The following PADI6 variants were observed in gnomAD, a reference collection of about 807,000 sequenced individuals.
The protein encoded by PADI6 is inactive protein-arginine deiminase type-6.
In PADI6, 66 loss-of-function variants were observed where a neutral mutation model predicts 78.2. The observed-to-expected ratio is 0.84, with a 90% CI of 0.69 to 1.04. The LOEUF (loss-of-function observed/expected upper bound fraction) is 1.04, where lower values mean the gene tolerates loss of function less well. Ranked by LOEUF, PADI6 falls within the 50% of genes least tolerant of loss-of-function variation. PADI6 has a pLI of 0.00. For missense variants in PADI6, 854 were observed against 866.1 expected (o/e 0.99, Z 0.18); for synonymous variants, 397 against 346.9 (o/e 1.14, Z -1.60).
chr1:17,375,511 T>A lies in PADI6; in HGVS notation c.367+12T>A, dbSNP rs1288764925. The A allele has an allele frequency of 6.3e-7, 1 of 1,595,764 alleles. No homozygotes were observed. ...CCTCACTGGCATTGGTGAGTGTTGC[T>A]CCAACTGGGAGCCTGGGGCCCAACT... On this transcript the variant is annotated intron_variant, in intron 3 of 15. Transcript: ENST00000619609.
chr1:17,389,878 G>A (rs1346605841), intron 8 of PADI6, among the ~76,000 whole-genome samples: 2 of 152,194 alleles, frequency 1.3e-5, no homozygotes, highest in Admixed American at 6.6e-5. Flanking sequence ...CACACCGGCC[G>A]CCTCCAGATT....
intron 2 of PADI6, among the ~76,000 whole-genome samples, chr1:17,373,591 A>G (rs919914061): frequency 4.0e-5 from 6 of 151,796 alleles, no homozygotes; most frequent in Non-Finnish European, 8.8e-5. Context: ...TCCCGGGTTC[A>G]AGCAATTCTC....
At chr1:17,379,651 G>T (rs1044586138) in intron 3 of PADI6, among the ~76,000 whole-genome samples, 4 of 152,210 alleles carry the variant, frequency 2.6e-5, no homozygotes, top group African/African-American at 9.6e-5. Flanking sequence ...AGGCTGAAAG[G>T]CATGAGATGG....
chr1:17,379,503 C>T (rs910309822), intron 3 of PADI6, among the ~76,000 whole-genome samples: 6 of 152,166 alleles, frequency 3.9e-5, no homozygotes, highest in African/African-American at 1.4e-4. Context: ...GTGATCCATC[C>T]ACCTCAGTCT....
chr1:17,377,746 C>T (rs1001904350), intron 3 of PADI6, among the ~76,000 whole-genome samples: 2 of 152,190 alleles, frequency 1.3e-5, no homozygotes, highest in South Asian at 2.1e-4. Flanking sequence ...CACTCCGGCT[C>T]GAGCCCCCAT....
chr1:17,385,502 G>T (rs1001483089), intron 6 of PADI6, among the ~76,000 whole-genome samples: 5 of 152,160 alleles, frequency 3.3e-5, no homozygotes, highest in Non-Finnish European at 5.9e-5. Flanking sequence ...GGGAGCATAG[G>T]TGAGCGAAAC....
At chr1:17,380,026 A>G (rs1279302099) in intron 4 of PADI6, 39 bp downstream of exon 4, 1 of 1,599,546 alleles carries the variant, frequency 6.3e-7, no homozygotes, top group South Asian at 1.1e-5. Context: ...AAGGGGCCCT[A>G]TAAGCCAAAT....
chr1:17,380,885 G>T (rs35775800), intron 4 of PADI6, among the ~76,000 whole-genome samples, 162 bp from the exon 5 acceptor site: 1,979 of 152,220 alleles, frequency 0.013, 20 homozygotes, highest in Middle Eastern at 0.031. Flanking sequence ...TACCTGACAT[G>T]ACCTTCCTGT....
chr1:17,401,570 C>A lies in PADI6; in HGVS notation c.*132C>A. The A allele has an allele frequency of 2.4e-6, 2 of 848,346 alleles. No homozygotes were observed. Among genetic ancestry groups the A allele is most frequent in the Non-Finnish European group, 1.8e-6 (1 of 555,358 alleles). 52.6% of individuals were successfully genotyped at this position (848,346 alleles called of 1,614,324 possible). A position where few individuals can be genotyped will look rare whatever the true frequency, so the allele number is the denominator to read the frequency against. On this transcript the variant is annotated 3_prime_UTR_variant, in exon 16 of 16. Coordinates refer to ENST00000619609, the MANE Select transcript of PADI6 (RefSeq NM_207421.4). ...CAGAACCCTTTCTTCCCTGTCTGCCCCGACCGACCCTCGGACCCAGTAGGA... is the reference window on the plus strand; with the variant it reads ...CAGAACCCTTTCTTCCCTGTCTGCCACGACCGACCCTCGGACCCAGTAGGA...
chr1:17,392,002 T>G (rs775379984), intron 8 of PADI6, 112 bp from the exon 9 acceptor site: 65 of 870,878 alleles, frequency 7.5e-5, no homozygotes, highest in Non-Finnish European at 1.1e-4. Context: ...CGGGCAGGGA[T>G]GTAACCTCTC....
At chr1:17,387,458 A>AG (rs71014946) in intron 6 of PADI6, among the ~76,000 whole-genome samples, 17,069 of 138,012 alleles carry the variant, frequency 0.12, 1,046 homozygotes, top group East Asian at 0.3. Flanking sequence ...AAAGAAAAGG[A>AG]GGGGGGGGGG....
rs1307528635 is a variant in PADI6, at chr1:17,392,103, T to C, written c.963-11T>C. 2.6e-6 allele frequency: 4 copies of C among 1,553,002 alleles called. No homozygotes were observed. Among genetic ancestry groups the C allele is most frequent in the Admixed American group, 2.0e-5 (1 of 51,098 alleles). On this transcript the variant is annotated splice_polypyrimidine_tract_variant and intron_variant, in intron 8 of 15. Transcript: ENST00000619609. ...AAAGCCTTCCCAGAACTGGCTTCTCTCCCATGGCAGGGAGCTGCAGCTGCA... is the reference window on the plus strand; with the variant it reads ...AAAGCCTTCCCAGAACTGGCTTCTCCCCCATGGCAGGGAGCTGCAGCTGCA...
At chr1:17,395,519 G>A in intron 12 of PADI6, 21 bp from the exon 13 acceptor site, 2 of 1,548,440 alleles carry the variant, frequency 1.3e-6, no homozygotes, top group Non-Finnish European at 1.7e-6. Flanking sequence ...GCTGGCTTCT[G>A]ACCCAAGTTC....
intron 2 of PADI6, among the ~76,000 whole-genome samples, chr1:17,373,537 A>C (rs2100283235): frequency 6.6e-6 from 1 of 151,178 alleles, no homozygotes; most frequent in South Asian, 2.1e-4. Context: ...CATTGCCCAG[A>C]CTGGGGTGCA....
At position 17,382,006 on chromosome 1, in the gene PADI6, G is replaced by T; in HGVS notation, c.593G>T (p.Gly198Val). The T allele has an allele frequency of 6.2e-7, 1 of 1,613,896 alleles. No individual in the cohort carries two copies. The highest frequency in any genetic ancestry group is 8.5e-7 in the Non-Finnish European group (1 of 1,179,846). ...NLSQMTLNVQ[G>V]PSCILKKYRL... ...TCCCAGATGACTCTGAATGTCCAAG[G>T]CCCCAGCTGTATCTTAAAGAAATAT... The change falls in exon 6 of 16, where the codon GGC becomes GTC. Residue 198 changes from glycine (G) to valine (V), a missense_variant. By Grantham distance (109) the Gly-to-Val change is moderately radical. Transcript: ENST00000619609.
chr1:17,373,148 A>G lies in PADI6; in HGVS notation c.209A>G (p.Asp70Gly), dbSNP rs2074979293. 3.1e-6 allele frequency: 5 copies of G among 1,613,828 alleles called. No homozygotes were observed. The highest frequency in any genetic ancestry group is 4.2e-6 in the Non-Finnish European group (5 of 1,179,864). ...VANTVISEKEDATIWWPLSDP... is the reference protein window; with the variant it reads ...VANTVISEKEGATIWWPLSDP... ...AACACGGTGATTTCTGAGAAGGAGGACGCCACCATCTGGTGGCCCCTGTCT... is the reference window on the plus strand; with the variant it reads ...AACACGGTGATTTCTGAGAAGGAGGGCGCCACCATCTGGTGGCCCCTGTCT... The change falls in exon 2 of 16, where the codon GAC becomes GGC. Residue 70 changes from aspartate (D) to glycine (G), a missense_variant. Asp to Gly is a moderately conservative substitution (Grantham distance 94). Coordinates refer to ENST00000619609, the MANE Select transcript of PADI6 (RefSeq NM_207421.4).
intron 15 of PADI6, among the ~76,000 whole-genome samples, chr1:17,399,126 A>AT (rs1257573803): frequency 4.6e-5 from 7 of 152,072 alleles, no homozygotes; most frequent in Admixed American, 3.3e-4. Context: ...CCCCAGTCTA[A>AT]AAGGGTGAAC....
Position 17,375,507 on chromosome 1 carries a change from T to C in PADI6, c.367+8T>C. 1 of 1,598,626 alleles carries C rather than the reference T, an allele frequency of 6.3e-7. No individual in the cohort carries two copies. Among genetic ancestry groups the C allele is most frequent in the Non-Finnish European group, 8.5e-7 (1 of 1,172,318 alleles). Reference sequence around the variant, plus strand: ...TGTACCTCACTGGCATTGGTGAGTGTTGCTCCAACTGGGAGCCTGGGGCCC... The same window carrying C: ...TGTACCTCACTGGCATTGGTGAGTGCTGCTCCAACTGGGAGCCTGGGGCCC... On this transcript the variant is annotated splice_region_variant and intron_variant, in intron 3 of 15. Coordinates refer to ENST00000619609, the MANE Select transcript of PADI6 (RefSeq NM_207421.4).
At chr1:17,385,937 G>A (rs1013588284) in intron 6 of PADI6, among the ~76,000 whole-genome samples, 22 of 152,318 alleles carry the variant, frequency 1.4e-4, no homozygotes, top group Non-Finnish European at 2.4e-4. Context: ...TGTGCCCTGA[G>A]GATCCAGCTC....
Sources: allele counts gnomAD v4.1 joint callset (sites outside exome capture counted in the v4.1 genomes callset), GRCh38; gene constraint gnomAD v4.1.1; transcripts MANE v1.5; gene names NCBI Gene and HGNC (gene_info 2026-07-23, HGNC 2026-07-21).